The following SLIT3 variants were observed in gnomAD, a reference collection of about 807,000 sequenced individuals.
SLIT3 encodes slit guidance ligand 3.
In SLIT3, 68 loss-of-function variants were observed where a neutral mutation model predicts 184.0. The observed-to-expected ratio is 0.37, with a 90% CI of 0.30 to 0.45. The LOEUF (loss-of-function observed/expected upper bound fraction) is 0.45, where lower values mean the gene tolerates loss of function less well. Ranked by LOEUF, SLIT3 falls within the 20% of genes least tolerant of loss-of-function variation. The pLI is 1.00. For missense variants in SLIT3, 1,707 were observed against 2,026.0 expected, an observed-to-expected ratio of 0.84 and a Z score of 3.02; for synonymous variants, 831 against 828.6, an observed-to-expected ratio of 1.00 and a Z score of -0.05.
intron 4 of SLIT3, among the ~76,000 whole-genome samples, chr5:168,976,287 G>C (rs917321185): frequency 2.6e-5 from 4 of 152,138 alleles, no homozygotes; most frequent in African/African-American, 9.7e-5. Context: ...GCAAACTACA[G>C]GTCACTGATT....
chr5:169,069,081 G>T (rs1758452723), intron 4 of SLIT3, among the ~76,000 whole-genome samples: 1 of 152,180 alleles, frequency 6.6e-6, no homozygotes, highest in Non-Finnish European at 1.5e-5. Context: ...CAAAGATGTA[G>T]ACTATGTGCT....
chr5:168,674,799 G>C (rs2113187935), intron 32 of SLIT3, among the ~76,000 whole-genome samples: 1 of 152,116 alleles, frequency 6.6e-6, no homozygotes, highest in East Asian at 1.9e-4. Context: ...GCTGGTTATG[G>C]GATATTCAGT....
chr5:169,297,798 G>T (rs186201214), intron 1 of SLIT3, among the ~76,000 whole-genome samples: 1 of 152,296 alleles, frequency 6.6e-6, no homozygotes, highest in African/African-American at 2.4e-5. Context: ...ATGCAGTAGA[G>T]GTTCAAGTCA....
chr5:168,722,629 G>T (rs1000330818), intron 22 of SLIT3, among the ~76,000 whole-genome samples: 27 of 152,320 alleles, frequency 1.8e-4, no homozygotes, highest in South Asian at 2.1e-4. Context: ...AAATGGGTGT[G>T]AGCAAAATAT....
intron 3 of SLIT3, among the ~76,000 whole-genome samples, chr5:169,229,943 C>T (rs975504036): frequency 3.3e-5 from 5 of 152,100 alleles, no homozygotes; most frequent in Non-Finnish European, 7.4e-5. Context: ...TCTCAATGAA[C>T]CTGTGCCCGC....
At chr5:168,962,378 T>A (rs1352236220) in intron 4 of SLIT3, among the ~76,000 whole-genome samples, 3 of 151,372 alleles carry the variant, frequency 2.0e-5, no homozygotes, top group Non-Finnish European at 4.4e-5. Context: ...TGTCAGAGAC[T>A]TTTTCCCCAG....
At chr5:169,080,470 GA>G (rs1197201984) in intron 4 of SLIT3, among the ~76,000 whole-genome samples, 1 of 152,160 alleles carries the variant, frequency 6.6e-6, no homozygotes, top group Non-Finnish European at 1.5e-5. Context: ...TGGGAGACAT[GA>G]TTTGACTTGC....
At chr5:169,288,818 T>C (rs956197322) in intron 1 of SLIT3, among the ~76,000 whole-genome samples, 1 of 152,196 alleles carries the variant, frequency 6.6e-6, no homozygotes, top group Non-Finnish European at 1.5e-5. Context: ...TTGTAAAAGA[T>C]GCATCTTGTT....
intron 12 of SLIT3, among the ~76,000 whole-genome samples, chr5:168,784,965 GC>G (rs1484786449): frequency 1.3e-5 from 2 of 151,376 alleles, no homozygotes; most frequent in Non-Finnish European, 2.9e-5. Context: ...TGAATGAAGG[GC>G]ATGGCCATGT....
intron 4 of SLIT3, among the ~76,000 whole-genome samples, chr5:168,902,391 T>C (rs951701820): frequency 3.3e-5 from 5 of 152,244 alleles, no homozygotes; most frequent in African/African-American, 1.2e-4. Flanking sequence ...GTTTATACTT[T>C]TGTTACGTGC....
chr5:169,245,604 C>T (rs992922356), intron 2 of SLIT3, among the ~76,000 whole-genome samples: 3 of 152,014 alleles, frequency 2.0e-5, no homozygotes, highest in Admixed American at 6.6e-5. Context: ...TGGGACTTAA[C>T]GGGGATGCAA....
chr5:168,711,616 C>A (rs1762563582), intron 24 of SLIT3, among the ~76,000 whole-genome samples: 1 of 151,856 alleles, frequency 6.6e-6, no homozygotes, highest in African/African-American at 2.4e-5. Context: ...AGTGTATGCA[C>A]ACATTATGAA....
intron 8 of SLIT3, among the ~76,000 whole-genome samples, chr5:168,811,972 G>A (rs368306606): frequency 8.5e-5 from 13 of 152,336 alleles, no homozygotes; most frequent in East Asian, 5.8e-4. Context: ...GTGTTCATCA[G>A]TGAATGAATG....
chr5:169,216,317 C>G (rs1052865515), intron 3 of SLIT3, among the ~76,000 whole-genome samples: 6 of 152,224 alleles, frequency 3.9e-5, no homozygotes, highest in Non-Finnish European at 7.3e-5. Context: ...GGATTCATCT[C>G]TGCTCTGGGC....
At chr5:169,022,559 A>G (rs1357253623) in intron 4 of SLIT3, among the ~76,000 whole-genome samples, 1 of 152,196 alleles carries the variant, frequency 6.6e-6, no homozygotes, top group East Asian at 1.9e-4. Context: ...CCCACTATGT[A>G]TTTCCTATGT....
chr5:168,922,099 C>T (rs1014371184), intron 4 of SLIT3, among the ~76,000 whole-genome samples: 7 of 152,132 alleles, frequency 4.6e-5, no homozygotes, highest in African/African-American at 1.7e-4. Context: ...CCCCATGCTG[C>T]AGTGTTAGTA....
rs114103897 is a variant in SLIT3, at chr5:169,090,615, T to C, written c.413+102864A>G. On this transcript the variant is annotated intron_variant, in intron 4 of 35. Transcript: ENST00000519560. Reference sequence around the variant, plus strand: ...CCTCAACCCTCTGAATATTACCTTATATGACAAAAGATGTGACTAAGACGT... The same window carrying C: ...CCTCAACCCTCTGAATATTACCTTACATGACAAAAGATGTGACTAAGACGT... Among the ~76,000 whole-genome samples the C allele has an allele frequency of 2.1e-3, 325 of 152,306 alleles. 1 individual carries two copies. The highest frequency in any genetic ancestry group is 7.5e-3 in the African/African-American group (312 of 41,554).
At chr5:169,180,787 GA>G (rs1236816875) in intron 4 of SLIT3, among the ~76,000 whole-genome samples, 1 of 152,146 alleles carries the variant, frequency 6.6e-6, no homozygotes, top group Non-Finnish European at 1.5e-5. Flanking sequence ...ACACATAAGG[GA>G]AAAGGATCTG....
intron 4 of SLIT3, chr5:169,012,846 A>G (rs1433542506): frequency 1.3e-5 from 2 of 152,228 alleles, no homozygotes; most frequent in African/African-American, 2.4e-5. Context: ...CAGACCTGGG[A>G]TGAACCCCGG....
Sources: allele counts gnomAD v4.1 joint callset (sites outside exome capture counted in the v4.1 genomes callset), GRCh38; gene constraint gnomAD v4.1.1; transcripts MANE v1.5; gene names NCBI Gene and HGNC (gene_info 2026-07-23, HGNC 2026-07-21).